The following B4GALT1 variants were observed in gnomAD, a reference collection of about 807,000 sequenced individuals.
B4GALT1 encodes N-acetyllactosamine synthase.
Under a neutral mutation model 34.9 loss-of-function variants are expected in B4GALT1, and 16 were observed. That is an observed-to-expected ratio of 0.46 (90% confidence interval 0.31 to 0.70). The LOEUF (loss-of-function observed/expected upper bound fraction) is 0.70, where lower values mean the gene tolerates loss of function less well. Ranked by LOEUF, B4GALT1 falls within the 30% of genes least tolerant of loss-of-function variation. B4GALT1 has a pLI of 0.05. For missense variants in B4GALT1, 445 were observed against 530.5 expected, an observed-to-expected ratio of 0.84 and a Z score of 1.58; for synonymous variants, 221 against 218.1, an observed-to-expected ratio of 1.01 and a Z score of -0.12.
At chr9:33,129,866 T>A (rs1314065297) in intron 2 of B4GALT1, among the ~76,000 whole-genome samples, 1 of 150,846 alleles carries the variant, frequency 6.6e-6, no homozygotes, top group African/African-American at 2.4e-5. Context: ...GGTGTCTGGG[T>A]GGAGATGGGG....
At chr9:33,122,975 C>G (rs1386157748) in intron 2 of B4GALT1, among the ~76,000 whole-genome samples, 1 of 152,070 alleles carries the variant, frequency 6.6e-6, no homozygotes. Flanking sequence ...GAAACCCCAT[C>G]TCTACTAAAA....
downstream of B4GALT1, among the ~76,000 whole-genome samples, chr9:33,110,333 C>T (rs1172369270): frequency 6.6e-6 from 1 of 152,204 alleles, no homozygotes; most frequent in Non-Finnish European, 1.5e-5. Flanking sequence ...TTGAAAATAG[C>T]AGAATGTGGC....
chr9:33,184,383 C>G, the B4GALT1 span, among the ~76,000 whole-genome samples: 1 of 152,030 alleles, frequency 6.6e-6, no homozygotes. Flanking sequence ...GGGTGGACTA[C>G]TGTAATTAAT....
At chr9:33,140,746 T>G (rs1840336850) in intron 1 of B4GALT1, among the ~76,000 whole-genome samples, 1 of 152,308 alleles carries the variant, frequency 6.6e-6, no homozygotes. Flanking sequence ...CTCATGTGGA[T>G]GGGCCGCTTC....
intron 2 of B4GALT1, among the ~76,000 whole-genome samples, chr9:33,129,307 A>G (rs1025808597): frequency 4.6e-5 from 7 of 152,132 alleles, no homozygotes; most frequent in African/African-American, 1.7e-4. Context: ...GGTTTTCTGC[A>G]TTTTTCCTGA....
At position 33,113,974 on chromosome 9, in the gene B4GALT1, C is replaced by G. The variant is rs75899212; in HGVS notation, c.960-96G>C. On this transcript the variant is annotated intron_variant, in intron 4 of 5. Coordinates refer to ENST00000379731, the MANE Select transcript of B4GALT1 (RefSeq NM_001497.4). ...GACTGTTGCTCCATCCACCATCACC[C>G]TTGCTGTTCTCACTCAGCCCACAAC... 534 of 1,134,552 alleles carry G rather than the reference C, an allele frequency of 4.7e-4. 5 individuals carry two copies. The African/African-American group carries it at 6.7e-3, about 14-fold the overall frequency. The allele number at this position is 1,134,552 out of a possible 1,614,324, so 70.3% of individuals were successfully genotyped here.
chr9:33,171,949 C>T (rs1176140336), upstream of B4GALT1, among the ~76,000 whole-genome samples: 1 of 152,200 alleles, frequency 6.6e-6, no homozygotes, highest in Non-Finnish European at 1.5e-5. Flanking sequence ...TTAGATTCTT[C>T]TCACAGGTAA....
chr9:33,157,421 G>T (rs10758194), intron 1 of B4GALT1, among the ~76,000 whole-genome samples: 74,703 of 152,000 alleles, frequency 0.49, 19,287 homozygotes, highest in East Asian at 0.72. Context: ...CTAGATTATC[G>T]ACGATAGTGA....
At chr9:33,174,417 G>C in the B4GALT1 span, 1 of 152,260 alleles carries the variant, frequency 6.6e-6, no homozygotes, top group South Asian at 2.1e-4. Context: ...GGGAGGCTGA[G>C]GCAGGCAGAT....
intron 4 of B4GALT1, 62 bp from the exon 5 acceptor site, chr9:33,113,940 C>G: frequency 6.8e-7 from 1 of 1,466,210 alleles, no homozygotes. Flanking sequence ...CTGAGAGCCC[C>G]GGCTGCAAGA....
the B4GALT1 span, among the ~76,000 whole-genome samples, chr9:33,182,571 T>C: frequency 4.0e-5 from 6 of 151,612 alleles, no homozygotes; most frequent in Non-Finnish European, 8.9e-5. Context: ...CTCCCTTTTT[T>C]CCCCCCATAA....
rs752520849 is a variant in B4GALT1 at position 33,166,889 on chromosome 9, G to A, written c.281C>T (p.Pro94Leu). ...PPPPLGASSQPRPGGDSSPVV... is the reference protein window; with the variant it reads ...PPPPLGASSQLRPGGDSSPVV... ...TGGGCTGGAGTCGCCACCCGGGCGCGGCTGGGAGGAGGCGCCTAGAGGAGG... is the reference window on the plus strand; with the variant it reads ...TGGGCTGGAGTCGCCACCCGGGCGCAGCTGGGAGGAGGCGCCTAGAGGAGG... Residue 94 changes from proline (P) to leucine (L), a missense_variant, in exon 1 of 6, where the codon CCG becomes CTG. Around this residue, in one of 3 missense-constraint regions of B4GALT1, gnomAD observed 349 missense variants for 395.5 expected, o/e 0.88. Transcript: ENST00000379731. 1.9e-6 allele frequency: 3 copies of A among 1,579,346 alleles called. 1 individual carries two copies. Among genetic ancestry groups the A allele is most frequent in the Non-Finnish European group, 2.6e-6 (3 of 1,169,542 alleles).
chr9:33,135,114 C>T, intron 2 of B4GALT1, 75 bp downstream of exon 2: 4 of 1,415,478 alleles, frequency 2.8e-6, no homozygotes, highest in Non-Finnish European at 3.9e-6. Context: ...CCTTCCCCTG[C>T]CCTCATTACA....
At chr9:33,170,467 G>C (rs1207337863), upstream of B4GALT1, among the ~76,000 whole-genome samples, 1 of 152,176 alleles carries the variant, frequency 6.6e-6, no homozygotes, top group Non-Finnish European at 1.5e-5. Flanking sequence ...GGTCAGATTA[G>C]TCCTGCAACT....
chr9:33,105,880 G>GTTTTTTTTT (rs35330697), downstream of B4GALT1, among the ~76,000 whole-genome samples: 24 of 85,746 alleles, frequency 2.8e-4, no homozygotes, highest in South Asian at 9.4e-4. Flanking sequence ...GGACTCGTGG[G>GTTTTTTTTT]TTTTTTTTTT....
Position 33,120,441 on chromosome 9 carries a change from C to A in B4GALT1, c.814G>T (p.Ala272Ser), listed in dbSNP as rs768202923. Reference protein sequence around the residue: ...CFSQPRHISVAMDKFGFSLPY... With the variant: ...CFSQPRHISVSMDKFGFSLPY... Reference sequence around the variant, plus strand: ...TACCTGAATCCAAACTTATCCATTGCAACGGAAATGTGCCGTGGCTGTGAA... The same window carrying A: ...TACCTGAATCCAAACTTATCCATTGAAACGGAAATGTGCCGTGGCTGTGAA... Residue 272 changes from alanine (A) to serine (S), a missense_variant, in exon 3 of 6, where the codon GCA (alanine) becomes TCA (serine). Ala to Ser is a moderately conservative substitution (Grantham distance 99, BLOSUM62 1). Transcript: ENST00000379731. The A allele has an allele frequency of 6.2e-7, 1 of 1,613,458 alleles. No individual in the cohort carries two copies. The highest frequency in any genetic ancestry group is 1.7e-5 in the Admixed American group (1 of 60,022).
chr9:33,151,610 T>C (rs1229745370), intron 1 of B4GALT1, among the ~76,000 whole-genome samples: 1 of 152,228 alleles, frequency 6.6e-6, no homozygotes, highest in East Asian at 1.9e-4. Flanking sequence ...ATAATACATA[T>C]ACATACTTAT....
chr9:33,141,801 T>C (rs1840354057), intron 1 of B4GALT1, among the ~76,000 whole-genome samples: 1 of 152,082 alleles, frequency 6.6e-6, no homozygotes, highest in Non-Finnish European at 1.5e-5. Flanking sequence ...CGCGCAGCTA[T>C]CCTCTCTGCT....
chr9:33,179,454 T>C, the B4GALT1 span: 1 of 152,238 alleles, frequency 6.6e-6, no homozygotes, highest in Non-Finnish European at 1.5e-5. Context: ...GAGAGTTCTC[T>C]TGGCTTTGTG....
Sources: allele counts gnomAD v4.1 joint callset (sites outside exome capture counted in the v4.1 genomes callset), GRCh38; gene constraint gnomAD v4.1.1; regional missense constraint gnomAD v4.1.1; transcripts MANE v1.5; gene names NCBI Gene and HGNC (gene_info 2026-07-23, HGNC 2026-07-21).